Variants in HYDIN observed in about 807,000 individuals in gnomAD.
HYDIN encodes the protein HYDIN axonemal central pair apparatus protein.
Under a neutral mutation model 403.9 loss-of-function variants are expected in HYDIN, and 132 were observed. That is an observed-to-expected ratio of 0.33 (90% CI 0.28 to 0.38). The LOEUF (loss-of-function observed/expected upper bound fraction) is 0.38. Ranked by LOEUF, HYDIN falls within the 10% of genes least tolerant of loss-of-function variation. HYDIN has a pLI of 1.00. For missense variants in HYDIN, 2,827 were observed against 5,009.5 expected (o/e 0.56, Z 13.15); for synonymous variants, 1,202 against 1,891.7 (o/e 0.64, Z 9.46).
Position 71,093,850 on chromosome 16 carries a change from C to T in HYDIN, c.1413G>A (p.Gly471=), listed in dbSNP as rs1411205823. The change falls in exon 11 of 86, where the codon GGG becomes GGA. Residue 471 remains glycine (G), a synonymous_variant. Coordinates refer to ENST00000393567, the MANE Select transcript of HYDIN (RefSeq NM_001270974.2). ...IHFNFELLDI[G]KVFTGSAHCY... ...AATGTGCAGATCCAGTGAAAACTTTCCCAATATCCAGCAATTCAAAGTTGA... is the reference window on the plus strand; with the variant it reads ...AATGTGCAGATCCAGTGAAAACTTTTCCAATATCCAGCAATTCAAAGTTGA... 1.9e-6 allele frequency: 3 copies of T among 1,613,546 alleles called. No individual in the cohort carries two copies. The highest frequency in any genetic ancestry group is 1.3e-5 in the African/African-American group (1 of 74,914).
At chr16:71,021,714 T>A (rs904306738) in intron 21 of HYDIN, among the ~76,000 whole-genome samples, 2 of 152,136 alleles carry the variant, frequency 1.3e-5, no homozygotes. Context: ...CCTCCAATCA[T>A]CCCCTGGGTC....
In HYDIN at chr16:71,088,455, C is replaced by G. The variant is rs1404624604; in HGVS notation, c.1516G>C (p.Ala506Pro). ...NMTPPTSALG[A>P]CFVFSPKEGI... ...TCCTTGGGACTGAAAACAAAGCAGG[C>G]CCCCAAAGCTGAAGTTGGAGGGGTC... Residue 506 changes from alanine to proline, a missense_variant, in exon 12 of 86, where the codon GCC becomes CCC. Transcript: ENST00000393567. 6.7e-6 allele frequency: 4 copies of G among 601,434 alleles called. No individual in the cohort carries two copies. Among genetic ancestry groups the G allele is most frequent in the Non-Finnish European group, 1.2e-5 (4 of 335,974 alleles). 37.3% of individuals were successfully genotyped at this position (601,434 alleles called of 1,614,324 possible).
At chr16:71,053,620 T>C (rs1453373883) in intron 18 of HYDIN, among the ~76,000 whole-genome samples, 1 of 138,838 alleles carries the variant, frequency 7.2e-6, no homozygotes, top group Non-Finnish European at 1.6e-5. Flanking sequence ...TGCCACAATA[T>C]AGTATTTATG....
intron 65 of HYDIN, 50 bp downstream of exon 65, chr16:70,871,987 T>C: frequency 6.3e-7 from 1 of 1,587,344 alleles, no homozygotes; most frequent in African/African-American, 1.3e-5. Flanking sequence ...CAGTCTGGGG[T>C]TGGCTTAGGA....
chr16:71,098,600 G>A (rs1271036662), intron 10 of HYDIN, among the ~76,000 whole-genome samples: 3 of 151,608 alleles, frequency 2.0e-5, no homozygotes, highest in African/African-American at 4.8e-5. Flanking sequence ...CAAGAGAAAA[G>A]TATTTTGATT....
chr16:70,990,055 T>A (rs527729802), intron 25 of HYDIN, among the ~76,000 whole-genome samples: 1 of 152,180 alleles, frequency 6.6e-6, no homozygotes, highest in Admixed American at 6.5e-5. Context: ...GGAAAGATAG[T>A]GGTATCCACC....
At chr16:70,945,855 G>A (rs1339745264) in intron 41 of HYDIN, among the ~76,000 whole-genome samples, 3 of 152,174 alleles carry the variant, frequency 2.0e-5, no homozygotes, top group Non-Finnish European at 4.4e-5. Context: ...TGGAATGGTG[G>A]GGACAAAGGC....
intron 57 of HYDIN, among the ~76,000 whole-genome samples, chr16:70,890,829 G>A (rs963506673): frequency 6.6e-6 from 1 of 152,082 alleles, no homozygotes; most frequent in East Asian, 1.9e-4. Flanking sequence ...GGCAATAATA[G>A]TAACAGGCAA....
At chr16:71,203,761 T>C (rs1169609662) in intron 1 of HYDIN, 3 of 455,926 alleles carry the variant, frequency 6.6e-6, no homozygotes, top group Non-Finnish European at 1.3e-5. Context: ...GTCCAAAGAA[T>C]TCCAGTCATC....
intron 7 of HYDIN, among the ~76,000 whole-genome samples, chr16:71,142,170 G>GA (rs2085198372): frequency 6.6e-6 from 1 of 150,972 alleles, no homozygotes; most frequent in Non-Finnish European, 1.5e-5. Flanking sequence ...AATTAGATCA[G>GA]AAAAGGGTAA....
intron 1 of HYDIN, among the ~76,000 whole-genome samples, chr16:71,225,406 G>A (rs2040989017): frequency 6.6e-6 from 1 of 152,180 alleles, no homozygotes; most frequent in Admixed American, 6.5e-5. Flanking sequence ...TCATACCTAG[G>A]TAGAACACCT....
intron 76 of HYDIN, among the ~76,000 whole-genome samples, chr16:70,839,479 C>T (rs2037665982): frequency 1.4e-5 from 2 of 145,546 alleles, no homozygotes; most frequent in South Asian, 4.4e-4. Flanking sequence ...CCACATTCAG[C>T]TATAGGCCAC....
chr16:71,141,657 A>G (rs1296055851), intron 7 of HYDIN, among the ~76,000 whole-genome samples: 1 of 152,174 alleles, frequency 6.6e-6, no homozygotes, highest in Non-Finnish European at 1.5e-5. Context: ...CAGTTTTATA[A>G]TATCGTTTCA....
chr16:71,078,776 G>A (rs2082695083), intron 13 of HYDIN, among the ~76,000 whole-genome samples: 1 of 152,192 alleles, frequency 6.6e-6, no homozygotes, highest in African/African-American at 2.4e-5. Flanking sequence ...AAAGTGGCGG[G>A]ATTATAGATG....
chr16:71,055,051 C>G (rs1406681815), intron 18 of HYDIN, among the ~76,000 whole-genome samples: 1 of 152,310 alleles, frequency 6.6e-6, no homozygotes, highest in Non-Finnish European at 1.5e-5. Flanking sequence ...TTCTCCTGCC[C>G]TTTTAACAAA....
intron 17 of HYDIN, among the ~76,000 whole-genome samples, chr16:71,061,431 C>A (rs2144271175): frequency 6.6e-6 from 1 of 152,384 alleles, no homozygotes; most frequent in Non-Finnish European, 1.5e-5. Context: ...ATCACTAGTT[C>A]CCAAGTAAAC....
In HYDIN at chr16:70,805,555, A is replaced by G. The variant is rs1238203219; in HGVS notation, c.*2025T>C. Reference sequence around the variant, plus strand: ...GACTTCCTGAGGGTGGGGCTCAGCAATCTGTTTCAGTAAGCCCTCCAGGGG... The same window carrying G: ...GACTTCCTGAGGGTGGGGCTCAGCAGTCTGTTTCAGTAAGCCCTCCAGGGG... On this transcript the variant is annotated 3_prime_UTR_variant, in exon 86 of 86. Coordinates refer to ENST00000393567, the MANE Select transcript of HYDIN (RefSeq NM_001270974.2). Among the ~76,000 whole-genome samples the G allele has an allele frequency of 2.0e-5, 3 of 152,206 alleles. No individual in the cohort carries two copies. Among genetic ancestry groups the G allele is most frequent in the African/African-American group, 7.2e-5 (3 of 41,452 alleles).
At chr16:71,214,558 C>T (rs1210570774) in intron 1 of HYDIN, among the ~76,000 whole-genome samples, 1 of 152,178 alleles carries the variant, frequency 6.6e-6, no homozygotes, top group Non-Finnish European at 1.5e-5. Flanking sequence ...CTCTCAGCTG[C>T]ACTGCATTAT....
At chr16:71,041,720 T>C (rs1409420946) in intron 18 of HYDIN, among the ~76,000 whole-genome samples, 1 of 152,148 alleles carries the variant, frequency 6.6e-6, no homozygotes, top group African/African-American at 2.4e-5. Flanking sequence ...ATCTGCATGA[T>C]GTGATGACAA....
Sources: gnomAD v4.1 joint callset for allele counts (sites outside exome capture counted in the v4.1 genomes callset) on GRCh38, gnomAD v4.1.1 for gene constraint, MANE v1.5 for transcripts, NCBI Gene and HGNC (gene_info 2026-07-23, HGNC 2026-07-21) for gene names.